Variants in EHMT1 observed in about 807,000 individuals in gnomAD.
EHMT1 encodes the protein histone-lysine N-methyltransferase EHMT1.
A neutral mutation model predicts 147.2 loss-of-function variants in EHMT1; 15 were observed. The ratio of observed to expected loss-of-function variants is 0.10; its 90% CI spans 0.07 to 0.16. The LOEUF (loss-of-function observed/expected upper bound fraction) is 0.16. Ranked by LOEUF, EHMT1 falls within the 10% of genes least tolerant of loss-of-function variation. EHMT1 has a pLI of 1.00. For missense variants in EHMT1, 1,587 were observed against 1,772.4 expected (o/e 0.90, Z 1.88); for synonymous variants, 795 against 709.6 (o/e 1.12, Z -1.91).
Position 137,786,245 on chromosome 9 carries a change from G to A in EHMT1, c.2382+3848G>A, listed in dbSNP as rs1280958487. 2 of 152,222 alleles carry A rather than the reference G, an allele frequency of 1.3e-5. No individual in the cohort carries two copies. Among genetic ancestry groups the A allele is most frequent in the Non-Finnish European group, 2.9e-5 (2 of 68,052 alleles). The allele number at this position is 152,222 out of a possible 1,614,324, so 9.4% of individuals were successfully genotyped here. A position where few individuals can be genotyped will look rare whatever the true frequency, so the allele number is the denominator to read the frequency against. ...CGGGGTCTGACCAGTCTGGAACTTC[G>A]GGTTAAATTCCTAGCCTGATGTTTA... On this transcript the variant is annotated intron_variant, in intron 15 of 26. Transcript: ENST00000460843. This position sits in a 1 kb window ranked among gnomAD's most constrained non-coding sequence, Gnocchi z 4.3.
At chr9:137,681,881 G>A (rs570360012) in intron 1 of EHMT1, among the ~76,000 whole-genome samples, 39 of 152,278 alleles carry the variant, frequency 2.6e-4, no homozygotes, top group South Asian at 1.7e-3. Flanking sequence ...GTACGTAAGC[G>A]TGAGGCGGGT....
intron 15 of EHMT1, among the ~76,000 whole-genome samples, chr9:137,789,411 C>T (rs1952321922): frequency 2.0e-5 from 3 of 152,240 alleles, no homozygotes; most frequent in South Asian, 2.1e-4. Context: ...GCTGAGCGTG[C>T]GGGCAGAGCC....
chr9:137,815,557 AAGGCAAGG>A (rs1954852732), intron 22 of EHMT1: 1 of 327,026 alleles, frequency 3.1e-6, no homozygotes, highest in Admixed American at 4.2e-5. Context: ...GAGGATTTGC[AAGGCAAGG>A]AGGCCAGGAG....
In EHMT1 at chr9:137,754,157, G is replaced by A. The variant is rs553184937; in HGVS notation, c.1249-14G>A. ...TGCTTAGTGGTTTATATGCCTGCCC[G>A]TTTGGTTCTCCAGAGTTCGGAATCC... On this transcript the variant is annotated splice_polypyrimidine_tract_variant and intron_variant, in intron 7 of 26. Transcript: ENST00000460843. 18 of 1,613,994 alleles carry A rather than the reference G, an allele frequency of 1.1e-5. No individual in the cohort carries two copies. Among genetic ancestry groups the A allele is most frequent in the Middle Eastern group, 1.6e-4 (1 of 6,062 alleles).
At chr9:137,743,753 T>C (rs1948311067) in intron 5 of EHMT1, 149 bp from the exon 6 acceptor site, 3 of 1,151,462 alleles carry the variant, frequency 2.6e-6, no homozygotes, top group South Asian at 1.5e-5. Flanking sequence ...GCCGGGCTCT[T>C]CTCCAGGTGG....
chr9:137,810,208 GAT>G (rs1954332522), intron 18 of EHMT1, among the ~76,000 whole-genome samples: 1 of 146,858 alleles, frequency 6.8e-6, no homozygotes. Flanking sequence ...GACCGTCGGT[GAT>G]GGGTCCGGAG....
Position 137,782,487 on chromosome 9 carries a change from A to G in EHMT1, c.2382+90A>G. 1 of 1,240,304 alleles carries G rather than the reference A, an allele frequency of 8.1e-7. No homozygotes were observed. Among genetic ancestry groups the G allele is most frequent in the Non-Finnish European group, 1.1e-6 (1 of 881,170 alleles). 76.8% of individuals were successfully genotyped at this position (1,240,304 alleles called of 1,614,324 possible). A position where few individuals can be genotyped will look rare whatever the true frequency, so the allele number is the denominator to read the frequency against. On this transcript the variant is annotated intron_variant, in intron 15 of 26. Coordinates refer to ENST00000460843, the MANE Select transcript of EHMT1 (RefSeq NM_024757.5). This position sits in a 1 kb window ranked among gnomAD's most constrained non-coding sequence, Gnocchi z 5.7. ...ATCATACCACGTTCGCGGTTCTTCC[A>G]GTGTAAGAGTTCCGTAGTGCTGTGA...
Position 137,832,131 on chromosome 9 carries a change from A to AC in EHMT1, c.3541-2212dup, listed in dbSNP as rs1234181650. The stretch of plus-strand genomic sequence containing the variant: ...GGATTGGCTGGGCTCCCTCCGCAGA[A>AC]CCCCCCAACCCCACGTGGCCCCTGT... On this transcript the variant is annotated intron_variant, in intron 25 of 26. Transcript: ENST00000460843. Among the ~76,000 whole-genome samples the AC allele has an allele frequency of 2.1e-3, 250 of 121,836 alleles. 1 individual carries two copies. The highest frequency in any genetic ancestry group is 2.9e-3 in the African/African-American group (88 of 30,526). 79.9% of individuals were successfully genotyped at this position (121,836 alleles called of 152,430 possible).
rs570554390 is a variant in EHMT1, at chr9:137,778,361, G to A, written c.2192+306G>A. ...CCCTTAGGTCATGAGAGCAGACACTGCTTCTGCTGCCTTGACTCCGTTTCC... is the reference window on the plus strand; with the variant it reads ...CCCTTAGGTCATGAGAGCAGACACTACTTCTGCTGCCTTGACTCCGTTTCC... On this transcript the variant is annotated intron_variant, in intron 13 of 26. Transcript: ENST00000460843. Among the ~76,000 whole-genome samples, 32 of 152,348 alleles carry A rather than the reference G, an allele frequency of 2.1e-4. No individual in the cohort carries two copies. The South Asian group carries it at 2.5e-3, about 12-fold the overall frequency.
chr9:137,787,926 G>A lies in EHMT1; in HGVS notation c.2383-2922G>A. ...AGTGTAGATTGGCAAGTAGGAGGTG[G>A]GCAGCTGCCCCCAGAGGGAGGCCCT... On this transcript the variant is annotated intron_variant, in intron 15 of 26. Coordinates refer to ENST00000460843, the MANE Select transcript of EHMT1 (RefSeq NM_024757.5). The surrounding 1 kb of genome is among the most constrained non-coding windows in gnomAD (Gnocchi z 4.2). 8 of 1,494,198 alleles carry A rather than the reference G, an allele frequency of 5.4e-6. No individual in the cohort carries two copies. The highest frequency in any genetic ancestry group is 7.4e-6 in the Non-Finnish European group (8 of 1,076,316). The allele number at this position is 1,494,198 out of a possible 1,614,324, so 92.6% of individuals were successfully genotyped here.
At chr9:137,690,011 C>A (rs117171319) in intron 1 of EHMT1, among the ~76,000 whole-genome samples, 1 of 152,154 alleles carries the variant, frequency 6.6e-6, no homozygotes, top group African/African-American at 2.4e-5. Context: ...CCTCTTATTC[C>A]GAGCAAGATG....
chr9:137,718,047 G>T (rs962476125), intron 3 of EHMT1, among the ~76,000 whole-genome samples: 3 of 151,232 alleles, frequency 2.0e-5, no homozygotes, highest in Admixed American at 6.6e-5. Flanking sequence ...CACACGCAGG[G>T]TGCGCCCACC....
chr9:137,718,056 C>T (rs1208773615), intron 3 of EHMT1, among the ~76,000 whole-genome samples: 1 of 151,214 alleles, frequency 6.6e-6, no homozygotes, highest in Non-Finnish European at 1.5e-5. Flanking sequence ...GGTGCGCCCA[C>T]CCCTCACGCA....
At chr9:137,798,460 A>C (rs550500596) in intron 16 of EHMT1, among the ~76,000 whole-genome samples, 42 of 152,010 alleles carry the variant, frequency 2.8e-4, no homozygotes, top group African/African-American at 9.9e-4. Flanking sequence ...AAGCAAGAGG[A>C]GGGCAGAGTC....
intron 1 of EHMT1, among the ~76,000 whole-genome samples, chr9:137,627,604 C>CGT (rs1310443513): frequency 6.6e-6 from 1 of 152,070 alleles, no homozygotes; most frequent in African/African-American, 2.4e-5. Flanking sequence ...GGATGACAGG[C>CGT]GTGAGCCGCC....
chr9:137,756,665 A>G (rs769453144), intron 8 of EHMT1, among the ~76,000 whole-genome samples: 18 of 152,242 alleles, frequency 1.2e-4, no homozygotes, highest in Non-Finnish European at 2.4e-4. Context: ...GTTGGCCAAC[A>G]AAAGCATTTT....
chr9:137,645,127 C>A (rs1844794133), intron 1 of EHMT1, among the ~76,000 whole-genome samples: 1 of 152,238 alleles, frequency 6.6e-6, no homozygotes, highest in Admixed American at 6.5e-5. Flanking sequence ...CCTGCCTCGG[C>A]CTCCCGAAGT....
chr9:137,801,794 G>A (rs574310320), intron 18 of EHMT1, among the ~76,000 whole-genome samples: 8 of 152,144 alleles, frequency 5.3e-5, no homozygotes, highest in Admixed American at 2.0e-4. Flanking sequence ...CACTGCGCCC[G>A]GCCAATTTTT....
intron 1 of EHMT1, among the ~76,000 whole-genome samples, chr9:137,636,924 G>A (rs1366139265): frequency 7.4e-6 from 1 of 135,594 alleles, no homozygotes; most frequent in East Asian, 2.1e-4. Flanking sequence ...TTGAGACAGA[G>A]TTTCGCTCTG....
Sources: allele counts gnomAD v4.1 joint callset (sites outside exome capture counted in the v4.1 genomes callset), GRCh38; gene constraint gnomAD v4.1.1; non-coding constraint Gnocchi (gnomAD v3.1); transcripts MANE v1.5; gene names NCBI Gene and HGNC (gene_info 2026-07-23, HGNC 2026-07-21).